The following TTLL9 variants were observed in gnomAD, a reference collection of about 807,000 sequenced individuals.
The protein encoded by TTLL9 is probable tubulin polyglutamylase TTLL9.
In TTLL9, 47 loss-of-function variants were observed where a neutral mutation model predicts 65.6. The ratio of observed to expected loss-of-function variants is 0.72; its 90% CI spans 0.57 to 0.91. The LOEUF is 0.91. Ranked by LOEUF, TTLL9 falls within the 40% of genes least tolerant of loss-of-function variation. TTLL9 has a pLI of 0.00. For synonymous variants in TTLL9, 179 were observed against 204.8 expected, an observed-to-expected ratio of 0.87 and a Z score of 1.07; for missense variants, 537 against 568.8, an observed-to-expected ratio of 0.94 and a Z score of 0.57.
chr20:31,909,007 A>G (rs2123502392), intron 5 of TTLL9, among the ~76,000 whole-genome samples: 1 of 151,330 alleles, frequency 6.6e-6, no homozygotes, highest in South Asian at 2.1e-4. Context: ...TTCAGGGTGG[A>G]GGCAAGTTGA....
intron 2 of TTLL9, among the ~76,000 whole-genome samples, chr20:31,880,329 C>CT (rs1205160033): frequency 3.3e-5 from 5 of 152,164 alleles, no homozygotes; most frequent in Non-Finnish European, 5.9e-5. Flanking sequence ...TAATTAGTGT[C>CT]TTTTCCAAGC....
chr20:31,905,794 G>A (rs920139616), intron 4 of TTLL9, among the ~76,000 whole-genome samples: 2 of 152,144 alleles, frequency 1.3e-5, no homozygotes, highest in African/African-American at 4.8e-5. Context: ...AGCGCTTTGG[G>A]AGGCCAAGGC....
At chr20:31,929,773 C>T (rs2063973277) in intron 10 of TTLL9, among the ~76,000 whole-genome samples, 1 of 152,180 alleles carries the variant, frequency 6.6e-6, no homozygotes, top group Admixed American at 6.5e-5. Flanking sequence ...GATGGTGTCA[C>T]AAAGATGTAA....
intron 2 of TTLL9, among the ~76,000 whole-genome samples, chr20:31,875,334 A>T (rs908710144): frequency 3.3e-5 from 5 of 152,208 alleles, no homozygotes; most frequent in Non-Finnish European, 7.3e-5. Context: ...TATTATTACC[A>T]TTGGCATTAC....
intron 3 of TTLL9, among the ~76,000 whole-genome samples, chr20:31,890,892 G>A (rs944863571): frequency 2.6e-5 from 4 of 152,344 alleles, no homozygotes; most frequent in African/African-American, 9.6e-5. Flanking sequence ...AGGTAGCATC[G>A]AAGGTGCTGG....
At chr20:31,871,451 G>C (rs1017531083) in intron 2 of TTLL9, among the ~76,000 whole-genome samples, 1 of 152,132 alleles carries the variant, frequency 6.6e-6, no homozygotes, top group Non-Finnish European at 1.5e-5. Flanking sequence ...AAATAATCAA[G>C]ACACTTCCTA....
At chr20:31,873,736 A>AG in intron 2 of TTLL9, among the ~76,000 whole-genome samples, 1 of 123,168 alleles carries the variant, frequency 8.1e-6, no homozygotes, top group East Asian at 2.1e-4. Flanking sequence ...GAAAGAAAGA[A>AG]AAAGGAAGGA....
chr20:31,931,797 A>G (rs73102633), intron 10 of TTLL9, among the ~76,000 whole-genome samples: 6,656 of 152,294 alleles, frequency 0.044, 242 homozygotes, highest in Admixed American at 0.097. Flanking sequence ...CCCTTATTAG[A>G]TACATTATTT....
intron 6 of TTLL9, among the ~76,000 whole-genome samples, chr20:31,911,831 CGTGTGTGTGTGTGTGTGTGT>C (rs55996863): frequency 7.0e-6 from 1 of 142,226 alleles, no homozygotes; most frequent in Middle Eastern, 3.2e-3. Context: ...TGTGTCTGTG[CGTGTGTGTGTGTGTGTGTGT>C]GTGTGTGTGT....
At chr20:31,932,329 G>C (rs554104245) in intron 10 of TTLL9, among the ~76,000 whole-genome samples, 2 of 151,902 alleles carry the variant, frequency 1.3e-5, no homozygotes, top group Admixed American at 6.6e-5. Context: ...AAAACTAGCC[G>C]GGCATGATGG....
intron 2 of TTLL9, among the ~76,000 whole-genome samples, chr20:31,872,801 A>G (rs2062956848): frequency 6.6e-6 from 1 of 152,258 alleles, no homozygotes; most frequent in Non-Finnish European, 1.5e-5. Flanking sequence ...TGGCCTCTGT[A>G]AAAAGCCAGT....
At position 31,934,719 on chromosome 20, in the gene TTLL9, C is replaced by T. The variant is rs761675329; in HGVS notation, c.835C>T (p.Arg279Trp). Residue 279 changes from arginine to tryptophan, a missense_variant, in exon 12 of 15, where the codon CGG (arginine) becomes TGG (tryptophan). Transcript: ENST00000535842. The stretch of plus-strand genomic sequence containing the variant: ...CTGCAAGTGGACGCTGCAGCGCTTC[C>T]GGCAGTACCTGGCGTCCAAACACGG... ...KGCKWTLQRF[R>W]QYLASKHGPE... 6.2e-6 allele frequency: 10 copies of T among 1,611,914 alleles called. No individual in the cohort carries two copies. The highest frequency in any genetic ancestry group is 2.7e-5 in the African/African-American group (2 of 74,884).
At chr20:31,890,131 T>C (rs1292651904) in intron 3 of TTLL9, among the ~76,000 whole-genome samples, 1 of 95,626 alleles carries the variant, frequency 1.0e-5, no homozygotes, top group African/African-American at 4.3e-5. Context: ...CCTTCCTTCC[T>C]TCCTTCCTTC....
intron 4 of TTLL9, among the ~76,000 whole-genome samples, chr20:31,902,339 TC>T (rs976156716): frequency 2.0e-5 from 3 of 152,212 alleles, no homozygotes; most frequent in African/African-American, 7.2e-5. Flanking sequence ...CGTAATGTTT[TC>T]AAGGCTCATC....
intron 2 of TTLL9, among the ~76,000 whole-genome samples, chr20:31,875,067 G>A (rs1354459996): frequency 6.6e-6 from 1 of 152,154 alleles, no homozygotes; most frequent in African/African-American, 2.4e-5. Context: ...GTGATTACAA[G>A]CAGCAACAGG....
At chr20:31,882,557 A>G (rs1426339658) in intron 2 of TTLL9, among the ~76,000 whole-genome samples, 2 of 152,168 alleles carry the variant, frequency 1.3e-5, no homozygotes, top group African/African-American at 2.4e-5. Flanking sequence ...ATAAAATTAA[A>G]GTTCTCTGTT....
In TTLL9 at chr20:31,937,234, C is replaced by T. The variant is rs545127417; in HGVS notation, c.1005-162C>T. Among the ~76,000 whole-genome samples the T allele has an allele frequency of 2.0e-5, 3 of 152,080 alleles. No homozygotes were observed. In the South Asian group the frequency reaches 6.2e-4, roughly 32 times the overall value. On this transcript the variant is annotated intron_variant, in intron 12 of 14. Transcript: ENST00000535842. ...GACTAGCCTGGGCAACCTAGCAAGA[C>T]CCTATCTCTATAAAAATAATTAAAA...
At chr20:31,917,470 G>A (rs2063752659) in intron 6 of TTLL9, among the ~76,000 whole-genome samples, 1 of 152,188 alleles carries the variant, frequency 6.6e-6, no homozygotes, top group Non-Finnish European at 1.5e-5. Flanking sequence ...TATTATGATA[G>A]TGCTGCTGTG....
intron 3 of TTLL9, among the ~76,000 whole-genome samples, chr20:31,891,412 C>G (rs1482698890): frequency 6.6e-6 from 1 of 151,730 alleles, no homozygotes; most frequent in Non-Finnish European, 1.5e-5. Context: ...AATTGTATCT[C>G]TTTGTCGTTT....
Sources: allele counts gnomAD v4.1 joint callset (sites outside exome capture counted in the v4.1 genomes callset), GRCh38; gene constraint gnomAD v4.1.1; transcripts MANE v1.5; gene names NCBI Gene and HGNC (gene_info 2026-07-23, HGNC 2026-07-21).